Variants in DPYS observed in about 807,000 individuals in gnomAD.
DPYS encodes the protein dihydropyrimidine amidohydrolase.
Under a neutral mutation model 50.3 loss-of-function variants are expected in DPYS, and 39 were observed. That is an observed-to-expected ratio of 0.78 (90% CI 0.60 to 1.01). The LOEUF (loss-of-function observed/expected upper bound fraction) is 1.01. Among genes scored for constraint, DPYS ranks in the 50% least tolerant of loss-of-function variants. The probability of loss-of-function intolerance (pLI) is 0.00; values close to 1 mark genes in which losing one functional copy is unlikely to be tolerated. For synonymous variants in DPYS, 245 were observed against 250.7 expected (o/e 0.98, Z 0.22); for missense variants, 659 against 680.9 (o/e 0.97, Z 0.36).
chr8:104,419,078 A>T, intron 7 of DPYS: 1 of 985,432 alleles, frequency 1.0e-6, no homozygotes, highest in Non-Finnish European at 1.2e-6. Context: ...GCACTTAAAG[A>T]AAATAAGACC....
intron 1 of DPYS, 53 bp downstream of exon 1, chr8:104,466,604 G>T (rs2140796932): frequency 1.4e-6 from 2 of 1,472,138 alleles, no homozygotes; most frequent in Admixed American, 2.2e-5. Flanking sequence ...GACTGGGGAG[G>T]CTGCCCGAGC....
intron 4 of DPYS, among the ~76,000 whole-genome samples, chr8:104,434,487 G>A (rs1361777886): frequency 2.0e-5 from 3 of 152,200 alleles, no homozygotes; most frequent in African/African-American, 7.2e-5. Flanking sequence ...GGTCCATTCA[G>A]ATGGTTAAGG....
chr8:104,445,784 G>A lies in DPYS; in HGVS notation c.604-1347C>T, dbSNP rs958225749. ...CTTTTGGCCGGGCGCGGTGGCTCAC[G>A]CCTGTAATCCGAGCACTTTGGGAGG... On this transcript the variant is annotated intron_variant, in intron 3 of 9. Coordinates refer to ENST00000351513, the MANE Select transcript of DPYS (RefSeq NM_001385.3). 4.6e-5 allele frequency among the ~76,000 whole-genome samples: 7 copies of A among 152,280 alleles called. No individual in the cohort carries two copies. In the South Asian group the frequency reaches 1.2e-3, roughly 27 times the overall value.
intron 4 of DPYS, among the ~76,000 whole-genome samples, 179 bp downstream of exon 4, chr8:104,444,069 A>T (rs1813444780): frequency 1.3e-5 from 2 of 152,216 alleles, no homozygotes; most frequent in African/African-American, 4.8e-5. Flanking sequence ...AGATGAACAA[A>T]AGTGGTGGAA....
chr8:104,434,089 T>C (rs1018406789), intron 4 of DPYS, among the ~76,000 whole-genome samples: 63 of 152,148 alleles, frequency 4.1e-4, no homozygotes, highest in African/African-American at 1.4e-3. Flanking sequence ...ATCAATCAAA[T>C]ACATGTAAGC....
chr8:104,420,467 A>T (rs918364017), intron 7 of DPYS: 1 of 150,622 alleles, frequency 6.6e-6, no homozygotes, highest in Non-Finnish European at 1.5e-5. Context: ...ATTCTTCCAG[A>T]TTCATTATTC....
chr8:104,426,776 G>A (rs1422756555), intron 6 of DPYS, among the ~76,000 whole-genome samples: 1 of 152,222 alleles, frequency 6.6e-6, no homozygotes, highest in East Asian at 1.9e-4. Context: ...ATTTAGTCAT[G>A]TGATTCTTCT....
chr8:104,448,572 C>T (rs2254738), intron 2 of DPYS, among the ~76,000 whole-genome samples: 94,034 of 151,790 alleles, frequency 0.62, 30,329 homozygotes, highest in Non-Finnish European at 0.72. Flanking sequence ...TTAAAACACA[C>T]CCACACCCAC....
chr8:104,421,839 T>C (rs1372360734), intron 7 of DPYS, among the ~76,000 whole-genome samples: 1 of 152,060 alleles, frequency 6.6e-6, no homozygotes, highest in Non-Finnish European at 1.5e-5. Flanking sequence ...CTGAAACAAC[T>C]GAATAGGAAA....
chr8:104,418,345 G>A (rs1197076607), intron 7 of DPYS, among the ~76,000 whole-genome samples: 1 of 152,028 alleles, frequency 6.6e-6, no homozygotes, highest in Non-Finnish European at 1.5e-5. Flanking sequence ...CTAATGGTGT[G>A]AGACAAAAAT....
At chr8:104,457,960 T>C (rs1813986011) in intron 1 of DPYS, among the ~76,000 whole-genome samples, 1 of 152,174 alleles carries the variant, frequency 6.6e-6, no homozygotes, top group Non-Finnish European at 1.5e-5. Context: ...CAGGAGCCTC[T>C]CTACTCCTGC....
In DPYS at chr8:104,429,602, C is replaced by T. The variant is rs561564701; in HGVS notation, c.893G>A (p.Gly298Asp). 2 of 1,614,130 alleles carry T rather than the reference C, an allele frequency of 1.2e-6. No homozygotes were observed. Among genetic ancestry groups the T allele is most frequent in the Non-Finnish European group, 1.7e-6 (2 of 1,180,014 alleles). The stretch of plus-strand genomic sequence containing the variant: ...TGAGGGGTCTGGTCGCAAAGGTGGA[C>T]CCATGACATGGTGGGCTGCATGGTG... ...EWHHAAHHVM[G>D]PPLRPDPSTP... Residue 298 changes from glycine (G) to aspartate (D), a missense_variant, in exon 5 of 10, where the codon GGT (glycine) becomes GAT (aspartate). Gly to Asp is a moderately conservative substitution (Grantham distance 94). Transcript: ENST00000351513.
At chr8:104,385,233 C>CTGTCTTATTAA (rs1433259821) in intron 8 of DPYS, among the ~76,000 whole-genome samples, 1 of 152,180 alleles carries the variant, frequency 6.6e-6, no homozygotes, top group Non-Finnish European at 1.5e-5. Context: ...ATCAGACTGG[C>CTGTCTTATTAA]TGTCTTATTA....
rs914190172 is a variant in DPYS at position 104,466,544 on chromosome 8, G to C, written c.264+113C>G. On this transcript the variant is annotated intron_variant, in intron 1 of 9. Coordinates refer to ENST00000351513, the MANE Select transcript of DPYS (RefSeq NM_001385.3). ...GGCTGCGCTCCTTCCCGCCCACCCA[G>C]CTCCTCGGCGCCGCGCCGCGCGAGG... is the stretch of plus-strand genomic sequence containing the variant. The C allele has an allele frequency of 8.9e-6, 11 of 1,232,970 alleles. No homozygotes were observed. The African/African-American group carries it at 1.6e-4, about 18-fold the overall frequency. The allele number at this position is 1,232,970 out of a possible 1,614,324, so 76.4% of individuals were successfully genotyped here.
chr8:104,427,537 C>T lies in DPYS; in HGVS notation c.1092+443G>A, dbSNP rs528390901. On this transcript the variant is annotated intron_variant, in intron 6 of 9. Coordinates refer to ENST00000351513, the MANE Select transcript of DPYS (RefSeq NM_001385.3). The stretch of plus-strand genomic sequence containing the variant: ...CAAGTGATCCACCTGCCTTGGCCTC[C>T]CAAAGTGCTGGGATTACAGGTGTGA... Among the ~76,000 whole-genome samples the T allele has an allele frequency of 2.6e-5, 4 of 151,994 alleles. No homozygotes were observed. The East Asian group carries it at 7.9e-4, about 30-fold the overall frequency.
At chr8:104,384,464 A>G (rs1811150547) in intron 8 of DPYS, among the ~76,000 whole-genome samples, 1 of 152,214 alleles carries the variant, frequency 6.6e-6, no homozygotes, top group African/African-American at 2.4e-5. Context: ...ATCTGAAACC[A>G]TCACTGCTGT....
At chr8:104,448,594 TACAC>T (rs751823903) in intron 2 of DPYS, among the ~76,000 whole-genome samples, 36 of 143,578 alleles carry the variant, frequency 2.5e-4, no homozygotes, top group East Asian at 1.6e-3. Flanking sequence ...CACCCACACA[TACAC>T]ACACACACAA....
chr8:104,420,329 T>A (rs1358585770), intron 7 of DPYS: 1 of 152,182 alleles, frequency 6.6e-6, no homozygotes, highest in Non-Finnish European at 1.5e-5. Context: ...AGCAACTTTC[T>A]CATAACAACC....
At chr8:104,464,035 T>C (rs1375314985) in intron 1 of DPYS, among the ~76,000 whole-genome samples, 2 of 152,220 alleles carry the variant, frequency 1.3e-5, no homozygotes, top group Non-Finnish European at 2.9e-5. Flanking sequence ...CCTTTGTAAG[T>C]ACTGTTTAAT....
Sources: gnomAD v4.1 joint callset for allele counts (sites outside exome capture counted in the v4.1 genomes callset) on GRCh38, gnomAD v4.1.1 for gene constraint, MANE v1.5 for transcripts, NCBI Gene and HGNC (gene_info 2026-07-23, HGNC 2026-07-21) for gene names.